Variants in ADH4 observed in about 807,000 individuals in gnomAD.
ADH4 encodes the protein all-trans-retinol dehydrogenase [NAD(+)] ADH4.
Under a neutral mutation model 35.2 loss-of-function variants are expected in ADH4, and 31 were observed. The observed-to-expected ratio is 0.88, with a 90% CI of 0.66 to 1.19. The LOEUF is 1.19. Among genes scored for constraint, ADH4 ranks in the 50% most tolerant of loss-of-function variants. The probability of loss-of-function intolerance (pLI) is 0.00; values close to 1 mark genes in which losing one functional copy is unlikely to be tolerated. For synonymous variants in ADH4, 171 were observed against 160.2 expected, an observed-to-expected ratio of 1.07 and a Z score of -0.51; for missense variants, 476 against 458.3, an observed-to-expected ratio of 1.04 and a Z score of -0.35.
In ADH4 at chr4:99,142,702, T is replaced by TG. The variant is rs760970416; in HGVS notation, c.96dup (p.Lys33GlnfsTer4). 1.3e-5 allele frequency: 21 copies of TG among 1,599,494 alleles called. No homozygotes were observed. Among genetic ancestry groups the TG allele is most frequent in the Non-Finnish European group, 1.7e-5 (20 of 1,174,758 alleles). On this transcript the variant is annotated frameshift_variant, in exon 2 of 9. Coordinates refer to ENST00000265512, the MANE Select transcript of ADH4 (RefSeq NM_000670.5). LOFTEE classifies it high-confidence loss of function. ...ACCTGAATGCGAACTTCATGAGCCT[T>TG]GGGGGGAGCTACTTCAACCTCTTCA... is the stretch of plus-strand genomic sequence containing the variant.
rs139455871 is a variant in ADH4 at position 99,134,944 on chromosome 4, C to A, written c.582+1522G>T. On this transcript the variant is annotated intron_variant, in intron 5 of 8. Coordinates refer to ENST00000265512, the MANE Select transcript of ADH4 (RefSeq NM_000670.5). ...CTGGATTACAAAGCCGAGGACCAGGCCTCACCAGGATGTTTTATGCACCTG... is the reference window on the plus strand; with the variant it reads ...CTGGATTACAAAGCCGAGGACCAGGACTCACCAGGATGTTTTATGCACCTG... 7.2e-3 allele frequency among the ~76,000 whole-genome samples: 1,098 copies of A among 151,748 alleles called. 11 individuals are homozygous for A. Among genetic ancestry groups the A allele is most frequent in the African/African-American group, 0.024 (981 of 41,366 alleles).
Position 99,142,747 on chromosome 4 carries a change from C to T in ADH4, c.52G>A (p.Ala18Thr), listed in dbSNP as rs773145979. The T allele has an allele frequency of 1.2e-6, 2 of 1,604,968 alleles. No homozygotes were observed. The highest frequency in any genetic ancestry group is 1.7e-6 in the Non-Finnish European group (2 of 1,176,658). The change falls in exon 2 of 9, where the codon GCA becomes ACA. Residue 18 changes from alanine to threonine, a missense_variant. By Grantham distance (58) the Ala-to-Thr change is moderately conservative (BLOSUM62 0). Transcript: ENST00000265512. ...IKCKAAIAWE[A>T]GKPLCIEEVE... ...TCTTCAATGCAAAGGGGCTTGCCTGCTTCCCAGGCGATGGCTGCTTTGCAT... is the reference window on the plus strand; with the variant it reads ...TCTTCAATGCAAAGGGGCTTGCCTGTTTCCCAGGCGATGGCTGCTTTGCAT...
chr4:99,129,977 C>T (rs1729222577), intron 6 of ADH4, among the ~76,000 whole-genome samples: 1 of 152,202 alleles, frequency 6.6e-6, no homozygotes, highest in Non-Finnish European at 1.5e-5. Flanking sequence ...GAGAAGCAGT[C>T]ACACTACCAG....
chr4:99,141,315 G>A (rs13110764), intron 3 of ADH4, among the ~76,000 whole-genome samples: 31,976 of 152,092 alleles, frequency 0.21, 4,036 homozygotes, highest in Non-Finnish European at 0.28. Flanking sequence ...TCAGTGCTAT[G>A]TGTAAATAAA....
chr4:99,142,324 C>T (rs29001176), intron 2 of ADH4, among the ~76,000 whole-genome samples: 10 of 152,254 alleles, frequency 6.6e-5, no homozygotes, highest in South Asian at 4.1e-4. Flanking sequence ...GTCTTGTTTT[C>T]GATCAAATTG....
chr4:99,129,859 A>C (rs985955628), intron 6 of ADH4, among the ~76,000 whole-genome samples: 1 of 152,172 alleles, frequency 6.6e-6, no homozygotes, highest in Non-Finnish European at 1.5e-5. Flanking sequence ...AGTTACTAAG[A>C]ATTATGTATT....
intron 3 of ADH4, among the ~76,000 whole-genome samples, 174 bp from the exon 4 acceptor site, chr4:99,139,322 C>T (rs953414933): frequency 3.3e-5 from 5 of 152,170 alleles, no homozygotes; most frequent in African/African-American, 1.2e-4. Context: ...CAACGTATTG[C>T]ATATATTGTA....
intron 1 of ADH4, among the ~76,000 whole-genome samples, chr4:99,143,732 C>G (rs1295544856): frequency 6.6e-6 from 1 of 151,988 alleles, no homozygotes; most frequent in Non-Finnish European, 1.5e-5. Context: ...ATGCCAAGGC[C>G]TATCAAGTTT....
At chr4:99,125,700 TG>T (rs1381990984) in intron 8 of ADH4, among the ~76,000 whole-genome samples, 1 of 152,232 alleles carries the variant, frequency 6.6e-6, no homozygotes, top group Non-Finnish European at 1.5e-5. Context: ...GTTTGCAAAT[TG>T]GGGAGTTCAT....
At chr4:99,125,384 G>A (rs1032564562) in intron 8 of ADH4, among the ~76,000 whole-genome samples, 1 of 152,202 alleles carries the variant, frequency 6.6e-6, no homozygotes, top group African/African-American at 2.4e-5. Flanking sequence ...GAGAATGTGG[G>A]AGACTTGCCC....
Position 99,141,620 on chromosome 4 carries a change from T to C in ADH4, c.183A>G (p.Leu61=), listed in dbSNP as rs760880924. The change falls in exon 3 of 9, where the codon CTA becomes CTG. Residue 61 remains leucine, a synonymous_variant. Transcript: ENST00000265512. ...ATVIDSKFEG[L]AFPVIVGHEA... ...CATGGCCAACGATCACTGGGAAAGC[T>C]AGGCCCTCAAATTTAGAATCGATAA... The C allele has an allele frequency of 1.2e-6, 2 of 1,614,182 alleles. No homozygotes were observed. The highest frequency in any genetic ancestry group is 2.2e-5 in the South Asian group (2 of 91,078).
intron 4 of ADH4, among the ~76,000 whole-genome samples, chr4:99,136,912 CAG>C (rs1305258777): frequency 2.0e-5 from 3 of 151,786 alleles, no homozygotes; most frequent in African/African-American, 7.3e-5. Flanking sequence ...TAAAAAGTGA[CAG>C]GGTGTCATTT....
intron 8 of ADH4, among the ~76,000 whole-genome samples, chr4:99,125,561 C>G (rs1729061532): frequency 6.6e-6 from 1 of 152,168 alleles, no homozygotes; most frequent in South Asian, 2.1e-4. Context: ...AGGAGTATTC[C>G]TTATGGGGAT....
At chr4:99,135,442 A>C (rs1729407199) in intron 5 of ADH4, among the ~76,000 whole-genome samples, 2 of 152,136 alleles carry the variant, frequency 1.3e-5, no homozygotes, top group Non-Finnish European at 1.5e-5. Flanking sequence ...AAAGAAAAAA[A>C]TTTGGGGTGA....
chr4:99,136,634 G>T lies in ADH4; in HGVS notation c.414C>A (p.Cys138Ter). ...AGAAATGGTAAACTGGTTTTCCTTT[G>T]CAGGTAAACCTGCTGGTTTTGTCTT... is the stretch of plus-strand genomic sequence containing the variant. ...LMEDKTSRFTCKGKPVYHFFG... is the reference protein window; with the variant it reads ...LMEDKTSRFT Residue 138 changes from cysteine (C) to a stop codon, truncating the protein, a stop_gained, in exon 5 of 9, where the codon TGC becomes TGA. Coordinates refer to ENST00000265512, the MANE Select transcript of ADH4 (RefSeq NM_000670.5). LOFTEE classifies it high-confidence loss of function. The T allele has an allele frequency of 4.3e-6, 7 of 1,614,066 alleles. No homozygotes were observed. The highest frequency in any genetic ancestry group is 5.9e-6 in the Non-Finnish European group (7 of 1,179,964).
chr4:99,127,165 T>C, intron 7 of ADH4, 44 bp downstream of exon 7: 2 of 1,515,748 alleles, frequency 1.3e-6, no homozygotes, highest in South Asian at 2.5e-5. Context: ...ATTTCAGAAC[T>C]ACTAGGAAAA....
intron 4 of ADH4, among the ~76,000 whole-genome samples, chr4:99,137,139 T>TATTC (rs200921834): frequency 6.7e-6 from 1 of 150,310 alleles, no homozygotes. Flanking sequence ...ATTATTATTT[T>TATTC]TTTTTTGAGA....
chr4:99,125,162 C>G (rs1258349953), intron 8 of ADH4, among the ~76,000 whole-genome samples: 1 of 152,170 alleles, frequency 6.6e-6, no homozygotes, highest in Non-Finnish European at 1.5e-5. Context: ...TTCCTTGCTT[C>G]TTTGCAGTTG....
At chr4:99,138,585 G>A (rs1729517242) in intron 4 of ADH4, among the ~76,000 whole-genome samples, 1 of 152,026 alleles carries the variant, frequency 6.6e-6, no homozygotes, top group Non-Finnish European at 1.5e-5. Flanking sequence ...TCTGAATTTG[G>A]CATTTATTAT....
Sources: allele counts gnomAD v4.1 joint callset (sites outside exome capture counted in the v4.1 genomes callset), GRCh38; gene constraint gnomAD v4.1.1; transcripts MANE v1.5; gene names NCBI Gene and HGNC (gene_info 2026-07-23, HGNC 2026-07-21).